The following IPPK variants were observed in gnomAD, a reference collection of about 807,000 sequenced individuals.
IPPK encodes the protein inositol-pentakisphosphate 2-kinase, also known as IPK1 homolog.
IPPK carries 22 observed loss-of-function variants against 64.6 expected under a neutral mutation model. That is an observed-to-expected ratio of 0.34 (90% CI 0.24 to 0.49). The LOEUF (loss-of-function observed/expected upper bound fraction) is 0.49. Ranked by LOEUF, IPPK falls within the 20% of genes least tolerant of loss-of-function variation. The pLI is 0.99. For missense variants in IPPK, 532 were observed against 630.7 expected (o/e 0.84, Z 1.68); for synonymous variants, 262 against 247.2 (o/e 1.06, Z -0.56).
Position 92,634,545 on chromosome 9 carries a change from T to C in IPPK, c.1068-57A>G, listed in dbSNP as rs866170528. 35 of 1,224,362 alleles carry C rather than the reference T, an allele frequency of 2.9e-5. No individual in the cohort carries two copies. The Middle Eastern group carries it at 1.3e-3, about 46-fold the overall frequency. The allele number at this position is 1,224,362 out of a possible 1,614,324, so 75.8% of individuals were successfully genotyped here. ...ACAAAGCCGCACGGAGGTTGTTTCTTAAACTGCTAACAGTCTACAAAGCCC... is the reference window on the plus strand; with the variant it reads ...ACAAAGCCGCACGGAGGTTGTTTCTCAAACTGCTAACAGTCTACAAAGCCC... On this transcript the variant is annotated intron_variant, in intron 10 of 12. Transcript: ENST00000287996.
chr9:92,626,403 A>G (rs936773992), intron 11 of IPPK, among the ~76,000 whole-genome samples: 1 of 152,178 alleles, frequency 6.6e-6, no homozygotes, highest in Non-Finnish European at 1.5e-5. Context: ...TCTCAAAAAC[A>G]AAAAAAGAAC....
intron 2 of IPPK, among the ~76,000 whole-genome samples, chr9:92,657,871 G>A (rs1198294001): frequency 6.6e-6 from 1 of 150,924 alleles, no homozygotes; most frequent in African/African-American, 2.4e-5. Flanking sequence ...TACCTCAGAT[G>A]CTCCAACCTG....
chr9:92,656,175 G>A (rs1180902390), intron 3 of IPPK, among the ~76,000 whole-genome samples: 1 of 152,156 alleles, frequency 6.6e-6, no homozygotes, highest in African/African-American at 2.4e-5. Flanking sequence ...GAGGGGCATT[G>A]CTCAAGAGCC....
intron 11 of IPPK, chr9:92,620,250 GCTC>G (rs1851586072): frequency 6.5e-6 from 1 of 154,222 alleles, no homozygotes; most frequent in Non-Finnish European, 1.4e-5. Flanking sequence ...TTCAACACAT[GCTC>G]CAAGCTATGT....
intron 11 of IPPK, among the ~76,000 whole-genome samples, chr9:92,628,335 T>C (rs1851771795): frequency 6.6e-6 from 1 of 152,164 alleles, no homozygotes; most frequent in African/African-American, 2.4e-5. Context: ...AAAATTCATA[T>C]GGAATTACAA....
chr9:92,632,153 T>C (rs1851857584), intron 11 of IPPK, among the ~76,000 whole-genome samples: 1 of 152,244 alleles, frequency 6.6e-6, no homozygotes, highest in African/African-American at 2.4e-5. Flanking sequence ...TTCCAGTTTT[T>C]AGCTGTTACA....
At chr9:92,667,047 C>G (rs1392374131) in intron 1 of IPPK, among the ~76,000 whole-genome samples, 2 of 152,238 alleles carry the variant, frequency 1.3e-5, no homozygotes, top group Admixed American at 1.3e-4. Flanking sequence ...CTCAGGCTGG[C>G]TGAAGGCGCA....
At chr9:92,658,281 C>T (rs1852413023) in intron 2 of IPPK, among the ~76,000 whole-genome samples, 1 of 152,208 alleles carries the variant, frequency 6.6e-6, no homozygotes. Flanking sequence ...TTTTCATAGA[C>T]ACAATTCCAC....
chr9:92,618,719 T>C (rs1473546251), intron 12 of IPPK: 7 of 367,972 alleles, frequency 1.9e-5, no homozygotes, highest in Admixed American at 1.0e-4. Context: ...GTATTTCATA[T>C]TGGAAAGTAA....
chr9:92,616,335 C>T, intron 12 of IPPK: 1 of 365,288 alleles, frequency 2.7e-6, no homozygotes, highest in Non-Finnish European at 5.1e-6. Context: ...GGCCAGTGCA[C>T]CCCACCATAC....
At chr9:92,642,166 C>T (rs1024590169) in intron 7 of IPPK, among the ~76,000 whole-genome samples, 5 of 152,248 alleles carry the variant, frequency 3.3e-5, no homozygotes, top group African/African-American at 1.2e-4. Context: ...GACTGACCCT[C>T]CCCAGCTCCC....
chr9:92,647,363 A>C (rs751434124), intron 6 of IPPK, among the ~76,000 whole-genome samples: 4 of 152,222 alleles, frequency 2.6e-5, no homozygotes. Context: ...CCAATACTGA[A>C]ACTCCTTCAA....
chr9:92,669,864 G>A, intron 1 of IPPK, 44 bp downstream of exon 1: 4 of 1,457,162 alleles, frequency 2.7e-6, no homozygotes, highest in Non-Finnish European at 3.8e-6. Flanking sequence ...GATACCGGCC[G>A]TCGGAGTGAG....
At chr9:92,634,577 A>C in intron 10 of IPPK, 89 bp from the exon 11 acceptor site, 1 of 834,850 alleles carries the variant, frequency 1.2e-6, no homozygotes, top group Non-Finnish European at 2.1e-6. Context: ...GCCCAGCACC[A>C]CTAAACATCA....
chr9:92,645,305 T>C (rs1400481341), intron 6 of IPPK, among the ~76,000 whole-genome samples: 1 of 151,898 alleles, frequency 6.6e-6, no homozygotes, highest in Non-Finnish European at 1.5e-5. Flanking sequence ...AGCAGGAAGA[T>C]GGCTTGAGTT....
In IPPK at chr9:92,649,393, C is replaced by T. The variant is rs935583633; in HGVS notation, c.414+60G>A. 1.9e-6 allele frequency: 3 copies of T among 1,601,036 alleles called. No homozygotes were observed. In the Admixed American group the frequency reaches 5.0e-5, roughly 27 times the overall value. The stretch of plus-strand genomic sequence containing the variant: ...GAACCCAAGGCACGTGACTCTTGGA[C>T]TTACTACCCAAGACTGACCTTTCCC... On this transcript the variant is annotated intron_variant, in intron 5 of 12. Coordinates refer to ENST00000287996, the MANE Select transcript of IPPK (RefSeq NM_022755.6).
chr9:92,654,387 C>T (rs537308623), intron 3 of IPPK, among the ~76,000 whole-genome samples: 2 of 152,114 alleles, frequency 1.3e-5, no homozygotes, highest in African/African-American at 4.8e-5. Context: ...TGCGGTGGTG[C>T]GCACCAGTAG....
chr9:92,623,797 T>C (rs1851686384), intron 11 of IPPK, among the ~76,000 whole-genome samples: 1 of 152,224 alleles, frequency 6.6e-6, no homozygotes, highest in Non-Finnish European at 1.5e-5. Context: ...AAAACTGTTT[T>C]ACAGTAGCTA....
At chr9:92,626,605 T>C (rs894291383) in intron 11 of IPPK, among the ~76,000 whole-genome samples, 5 of 152,242 alleles carry the variant, frequency 3.3e-5, no homozygotes, top group Non-Finnish European at 5.9e-5. Flanking sequence ...TAGGTCAAAT[T>C]AGAGTCCCAG....
Sources: gnomAD v4.1 joint callset for allele counts (sites outside exome capture counted in the v4.1 genomes callset) on GRCh38, gnomAD v4.1.1 for gene constraint, MANE v1.5 for transcripts, NCBI Gene and HGNC (gene_info 2026-07-23, HGNC 2026-07-21) for gene names.